The following CSMD1 variants were observed in gnomAD, a reference collection of about 807,000 sequenced individuals.
The protein encoded by CSMD1 is CUB and Sushi multiple domains 1, also known as CUB and sushi domain-containing protein 1.
A neutral mutation model predicts 417.5 loss-of-function variants in CSMD1; 213 were observed. The observed-to-expected ratio is 0.51, with a 90% CI of 0.46 to 0.57. The LOEUF is 0.57. Among genes scored for constraint, CSMD1 ranks in the 20% least tolerant of loss-of-function variants. The pLI, the probability that CSMD1 is intolerant of heterozygous loss-of-function variation, is 0.00. For synonymous variants in CSMD1, 2,862 were observed against 1,736.8 expected, an observed-to-expected ratio of 1.65 and a Z score of -16.11; for missense variants, 6,923 against 4,529.7, an observed-to-expected ratio of 1.53 and a Z score of -15.17.
At position 4,259,149 on chromosome 8, in the gene CSMD1, C is replaced by A. The variant is rs146503901; in HGVS notation, c.415+160804G>T. 5.9e-3 allele frequency among the ~76,000 whole-genome samples: 897 copies of A among 152,314 alleles called. 9 individuals are homozygous for A. Among genetic ancestry groups the A allele is most frequent in the African/African-American group, 0.021 (859 of 41,554 alleles). ...AGAGCTAATTAGGCCTACCTCCAAACTATCTCACACACGAAGCTAAGGGCC... is the reference window on the plus strand; with the variant it reads ...AGAGCTAATTAGGCCTACCTCCAAAATATCTCACACACGAAGCTAAGGGCC... On this transcript the variant is annotated intron_variant, in intron 3 of 69. Transcript: ENST00000635120.
At position 3,434,824 on chromosome 8, in the gene CSMD1, C is replaced by A. The variant is rs555502236; in HGVS notation, c.1562-25219G>T. 1.3e-4 allele frequency among the ~76,000 whole-genome samples: 20 copies of A among 152,274 alleles called. No homozygotes were observed. The South Asian group carries it at 4.1e-3, about 32-fold the overall frequency. On this transcript the variant is annotated intron_variant, in intron 12 of 69. Transcript: ENST00000635120. ...ACTTCTCGCCTATATTTCTATGAGTCAGAGTGCTGGCAGGAAGTGGCACAC... is the reference window on the plus strand; with the variant it reads ...ACTTCTCGCCTATATTTCTATGAGTAAGAGTGCTGGCAGGAAGTGGCACAC...
At chr8:4,077,307 A>ATATATATATGTG (rs1554439909) in intron 3 of CSMD1, among the ~76,000 whole-genome samples, 64 of 141,512 alleles carry the variant, frequency 4.5e-4, no homozygotes, top group Middle Eastern at 3.8e-3. Context: ...GTATATATAT[A>ATATATATATGTG]TATATATATA....
chr8:4,377,830 T>A (rs555212280), intron 3 of CSMD1, among the ~76,000 whole-genome samples: 72 of 152,324 alleles, frequency 4.7e-4, no homozygotes, highest in African/African-American at 1.7e-3. Flanking sequence ...GTATAAATAT[T>A]TTTGCCCCAA....
chr8:4,719,289 A>C (rs1808892576), intron 1 of CSMD1, among the ~76,000 whole-genome samples: 3 of 152,204 alleles, frequency 2.0e-5, no homozygotes, highest in South Asian at 4.1e-4. Flanking sequence ...AAAGTAGATA[A>C]ATAAATGAAG....
chr8:4,322,816 G>A (rs1054616367), intron 3 of CSMD1, among the ~76,000 whole-genome samples: 2 of 152,112 alleles, frequency 1.3e-5, no homozygotes, highest in Admixed American at 6.6e-5. Context: ...CCAACATGGT[G>A]AAACCCCAAC....
intron 3 of CSMD1, among the ~76,000 whole-genome samples, chr8:4,200,447 A>T (rs2131251976): frequency 6.6e-6 from 1 of 152,356 alleles, no homozygotes; most frequent in East Asian, 1.9e-4. Context: ...CGTCTACTCA[A>T]CACTCTTATG....
chr8:2,961,513 T>C (rs1349838915), intron 61 of CSMD1, among the ~76,000 whole-genome samples: 1 of 152,180 alleles, frequency 6.6e-6, no homozygotes, highest in Non-Finnish European at 1.5e-5. Flanking sequence ...TGGTCAATGA[T>C]ATACTATCTT....
At chr8:4,021,155 G>T (rs537562010) in intron 4 of CSMD1, among the ~76,000 whole-genome samples, 2 of 152,172 alleles carry the variant, frequency 1.3e-5, no homozygotes, top group Non-Finnish European at 2.9e-5. Context: ...CAGCTCATGA[G>T]CACGTGAAAT....
At chr8:4,212,229 C>G (rs952651866) in intron 3 of CSMD1, among the ~76,000 whole-genome samples, 1 of 150,136 alleles carries the variant, frequency 6.7e-6, no homozygotes, top group Non-Finnish European at 1.5e-5. Flanking sequence ...ACTTATTATA[C>G]CTTAGCTAAT....
chr8:4,431,721 G>A (rs1177972126), intron 2 of CSMD1, among the ~76,000 whole-genome samples: 1 of 152,106 alleles, frequency 6.6e-6, no homozygotes, highest in Non-Finnish European at 1.5e-5. Flanking sequence ...TTAAGACAAT[G>A]GAATCAATTG....
intron 5 of CSMD1, among the ~76,000 whole-genome samples, chr8:3,885,808 G>C (rs1045360006): frequency 2.0e-5 from 3 of 152,064 alleles, no homozygotes; most frequent in Non-Finnish European, 4.4e-5. Context: ...TAAACAATCA[G>C]TTCTAGAATA....
At chr8:4,287,315 G>A (rs972616127) in intron 3 of CSMD1, among the ~76,000 whole-genome samples, 1 of 152,098 alleles carries the variant, frequency 6.6e-6, no homozygotes, top group South Asian at 2.1e-4. Context: ...GATAAATCAA[G>A]CACATCTGGA....
chr8:4,371,935 G>A (rs1188214372), intron 3 of CSMD1, among the ~76,000 whole-genome samples: 1 of 152,192 alleles, frequency 6.6e-6, no homozygotes, highest in Non-Finnish European at 1.5e-5. Context: ...TAATGATGAC[G>A]AAAAGTGGTA....
At chr8:3,132,499 T>A (rs1324420598) in intron 41 of CSMD1, among the ~76,000 whole-genome samples, 1 of 152,174 alleles carries the variant, frequency 6.6e-6, no homozygotes, top group Non-Finnish European at 1.5e-5. Flanking sequence ...GTCTTCAAAG[T>A]GTCACTTTGA....
At chr8:3,529,827 CT>C (rs1247680088) in intron 10 of CSMD1, among the ~76,000 whole-genome samples, 2 of 152,176 alleles carry the variant, frequency 1.3e-5, no homozygotes, top group African/African-American at 4.8e-5. Flanking sequence ...TCTCAGTGAT[CT>C]GTAAGCCTAC....
At chr8:4,606,384 C>T (rs1800868988) in intron 2 of CSMD1, among the ~76,000 whole-genome samples, 1 of 152,024 alleles carries the variant, frequency 6.6e-6, no homozygotes, top group Non-Finnish European at 1.5e-5. Context: ...CTTTCTGTGC[C>T]AGAGGTGAGG....
intron 12 of CSMD1, among the ~76,000 whole-genome samples, chr8:3,452,949 G>C (rs1272987515): frequency 6.6e-6 from 1 of 152,094 alleles, no homozygotes; most frequent in East Asian, 1.9e-4. Context: ...TCCGTTTCTG[G>C]ACTTTTTTTG....
intron 4 of CSMD1, among the ~76,000 whole-genome samples, chr8:4,022,217 T>G (rs989370188): frequency 4.7e-5 from 7 of 149,742 alleles, no homozygotes; most frequent in Non-Finnish European, 1.0e-4. Context: ...GCATTGTTAT[T>G]GGTAATAAAG....
At chr8:3,396,024 C>T (rs1383357403) in intron 17 of CSMD1, among the ~76,000 whole-genome samples, 170 bp downstream of exon 17, 2 of 152,154 alleles carry the variant, frequency 1.3e-5, no homozygotes, top group Non-Finnish European at 2.9e-5. Flanking sequence ...TTCCAAGATG[C>T]TCTCTTATGA....
Sources: gnomAD v4.1 joint callset for allele counts (sites outside exome capture counted in the v4.1 genomes callset) on GRCh38, gnomAD v4.1.1 for gene constraint, MANE v1.5 for transcripts, NCBI Gene and HGNC (gene_info 2026-07-23, HGNC 2026-07-21) for gene names.